The following CELF2 variants were observed in gnomAD, a reference collection of about 807,000 sequenced individuals.
The protein encoded by CELF2 is CUG triplet repeat RNA-binding protein 2.
In CELF2, 8 loss-of-function variants were observed where a neutral mutation model predicts 62.6. The observed-to-expected ratio is 0.13, with a 90% CI of 0.07 to 0.23. The LOEUF is 0.23. CELF2 is among the 10% of genes least tolerant of loss of function. The probability of loss-of-function intolerance (pLI) is 1.00; values close to 1 mark genes in which losing one functional copy is unlikely to be tolerated. For missense variants in CELF2, 333 were observed against 671.0 expected, an observed-to-expected ratio of 0.50 and a Z score of 5.56; for synonymous variants, 258 against 250.0, an observed-to-expected ratio of 1.03 and a Z score of -0.30.
At chr10:10,943,176 A>G (rs2047237834) in intron 2 of CELF2, among the ~76,000 whole-genome samples, 1 of 152,204 alleles carries the variant, frequency 6.6e-6, no homozygotes, top group Non-Finnish European at 1.5e-5. Context: ...TTTATCTCCC[A>G]TCTCTCCAAC....
chr10:10,854,484 A>T (rs2059585160), intron 1 of CELF2, among the ~76,000 whole-genome samples: 1 of 152,196 alleles, frequency 6.6e-6, no homozygotes, highest in Admixed American at 6.5e-5. Context: ...TAAGACAGGG[A>T]TTCTATTCCA....
the CELF2 span, among the ~76,000 whole-genome samples, chr10:10,761,637 C>A: frequency 6.6e-6 from 1 of 152,162 alleles, no homozygotes; most frequent in Admixed American, 6.5e-5. Flanking sequence ...AGCCAACCTC[C>A]CACATCGCAA....
the CELF2 span, among the ~76,000 whole-genome samples, chr10:10,746,878 C>T: frequency 1.3e-5 from 2 of 152,162 alleles, no homozygotes; most frequent in Non-Finnish European, 2.9e-5. Context: ...CATATGCCTT[C>T]GCAGTTTTCC....
intron 3 of CELF2, among the ~76,000 whole-genome samples, chr10:11,230,286 A>G (rs185243855): frequency 5.8e-4 from 88 of 151,518 alleles, no homozygotes; most frequent in Admixed American, 4.5e-3. Flanking sequence ...CATCACTCTG[A>G]AAAAATTAAT....
intron 1 of CELF2, among the ~76,000 whole-genome samples, chr10:11,094,132 C>CTGGTGTTTA (rs1386920133): frequency 1.8e-4 from 28 of 152,260 alleles, no homozygotes; most frequent in African/African-American, 6.5e-4. Flanking sequence ...TGTATTTGCC[C>CTGGTGTTTA]TGGTGTTTAT....
intron 2 of CELF2, among the ~76,000 whole-genome samples, chr10:11,199,777 AAGC>A (rs2058802896): frequency 6.6e-6 from 1 of 152,224 alleles, no homozygotes; most frequent in Non-Finnish European, 1.5e-5. Flanking sequence ...TGCTTCTCTA[AAGC>A]AGCAGCAGGG....
the CELF2 span, among the ~76,000 whole-genome samples, chr10:10,535,429 G>A: frequency 6.6e-6 from 1 of 152,100 alleles, no homozygotes; most frequent in African/African-American, 2.4e-5. Context: ...CTTCGATTAG[G>A]AAGGTTTGGA....
chr10:10,805,253 AT>A (rs1330748657), intron 1 of CELF2, among the ~76,000 whole-genome samples: 1 of 152,160 alleles, frequency 6.6e-6, no homozygotes, highest in Admixed American at 6.5e-5. Context: ...GGACTTGGGT[AT>A]TGCTAACCCT....
At chr10:10,668,405 C>T in the CELF2 span, among the ~76,000 whole-genome samples, 2 of 152,308 alleles carry the variant, frequency 1.3e-5, no homozygotes, top group Non-Finnish European at 2.9e-5. Context: ...CTGGCTGCTG[C>T]TTCATGGACC....
intron 2 of CELF2, among the ~76,000 whole-genome samples, chr10:10,965,271 A>T (rs1460191465): frequency 1.3e-5 from 2 of 152,158 alleles, no homozygotes; most frequent in Non-Finnish European, 1.5e-5. Context: ...GTTTTCTGTT[A>T]ATTTCATGTG....
chr10:10,545,679 C>T, the CELF2 span, among the ~76,000 whole-genome samples: 1 of 152,110 alleles, frequency 6.6e-6, no homozygotes, highest in Non-Finnish European at 1.5e-5. Context: ...CACACACGCA[C>T]ACTAAAATAT....
At chr10:10,549,563 C>T in the CELF2 span, among the ~76,000 whole-genome samples, 2 of 152,234 alleles carry the variant, frequency 1.3e-5, no homozygotes, top group East Asian at 1.9e-4. Context: ...GGATTACAGG[C>T]GTGAGCCACT....
chr10:10,915,150 G>T (rs12258910), intron 1 of CELF2, among the ~76,000 whole-genome samples: 2 of 116,962 alleles, frequency 1.7e-5, no homozygotes, highest in South Asian at 2.5e-4. Context: ...AAAAAAAAAA[G>T]ATTTTTTAGT....
chr10:10,929,153 T>C (rs2065826577), intron 2 of CELF2, among the ~76,000 whole-genome samples: 1 of 152,188 alleles, frequency 6.6e-6, no homozygotes, highest in Non-Finnish European at 1.5e-5. Flanking sequence ...GCTGGAAAGT[T>C]ATTAACCTAA....
At position 11,318,899 on chromosome 10, in the gene CELF2, A is replaced by G. The variant is rs2095250961; in HGVS notation, c.1097-2290A>G. ...AAGGATCCCCCGTGGGTCTCACATG[A>G]CAGGGCCTGAAAACTCCCACCCGCA... On this transcript the variant is annotated intron_variant, in intron 10 of 12. Transcript: ENST00000633077. The surrounding 1 kb of genome is among the most constrained non-coding windows in gnomAD (Gnocchi z 5.4). 4.2e-6 allele frequency: 2 copies of G among 471,020 alleles called. No individual in the cohort carries two copies. Among genetic ancestry groups the G allele is most frequent in the Admixed American group, 2.3e-5 (1 of 42,572 alleles). The allele number at this position is 471,020 out of a possible 1,614,324, so 29.2% of individuals were successfully genotyped here. A position where few individuals can be genotyped will look rare whatever the true frequency, so the allele number is the denominator to read the frequency against.
the CELF2 span, among the ~76,000 whole-genome samples, chr10:10,466,555 G>A: frequency 6.6e-6 from 1 of 151,942 alleles, no homozygotes; most frequent in Non-Finnish European, 1.5e-5. Flanking sequence ...GTTTCTCTCA[G>A]GTAAACAGCT....
At chr10:10,939,625 G>A (rs1209541341) in intron 2 of CELF2, among the ~76,000 whole-genome samples, 1 of 151,904 alleles carries the variant, frequency 6.6e-6, no homozygotes, top group Non-Finnish European at 1.5e-5. Context: ...ATTCAATGAA[G>A]GGAGGGAAGG....
intron 1 of CELF2, among the ~76,000 whole-genome samples, chr10:10,903,154 A>T (rs948035509): frequency 6.6e-6 from 1 of 152,210 alleles, no homozygotes; most frequent in African/African-American, 2.4e-5. Flanking sequence ...GACTGTGTAT[A>T]TCAGCTAAGT....
intron 2 of CELF2, among the ~76,000 whole-genome samples, chr10:10,981,581 C>T (rs2136396905): frequency 6.6e-6 from 1 of 152,274 alleles, no homozygotes. Flanking sequence ...GCTTTATTTC[C>T]AATGAAACTC....
Sources: allele counts gnomAD v4.1 joint callset (sites outside exome capture counted in the v4.1 genomes callset), GRCh38; gene constraint gnomAD v4.1.1; non-coding constraint Gnocchi (gnomAD v3.1); transcripts MANE v1.5; gene names NCBI Gene and HGNC (gene_info 2026-07-23, HGNC 2026-07-21).